Variants in FBXL19 observed in about 807,000 individuals in gnomAD.
FBXL19 encodes F-box and leucine rich repeat protein 19.
A neutral mutation model predicts 71.2 loss-of-function variants in FBXL19; 16 were observed. The observed-to-expected ratio is 0.22, with a 90% confidence interval of 0.15 to 0.34. FBXL19 has a LOEUF of 0.34. FBXL19 is among the 10% of genes least tolerant of loss of function. The pLI, the probability that FBXL19 is intolerant of heterozygous loss-of-function variation, is 1.00. For synonymous variants in FBXL19, 447 were observed against 409.4 expected (o/e 1.09, Z -1.11); for missense variants, 658 against 968.2 (o/e 0.68, Z 4.25).
At chr16:30,928,397 T>A (rs2055628617) in intron 5 of FBXL19, 70 bp from the exon 6 acceptor site, 16 of 1,426,024 alleles carry the variant, frequency 1.1e-5, no homozygotes. Context: ...GGCATGGACC[T>A]TAGATTTCTG....
chr16:30,927,877 G>A lies in FBXL19; in HGVS notation c.541G>A (p.Ala181Thr). The A allele has an allele frequency of 6.5e-7, 1 of 1,528,890 alleles. No individual in the cohort carries two copies. Among genetic ancestry groups the A allele is most frequent in the Non-Finnish European group, 8.8e-7 (1 of 1,139,062 alleles). 94.7% of individuals were successfully genotyped at this position (1,528,890 alleles called of 1,614,324 possible). ...PPPRRKGPLP[A>T]GPPPEDVPGP... is the part of the protein sequence containing the mutation. ...GCCCAGGCGCAAGGGCCCCCTGCCTGCCGGGCCCCCCCCGGAGGACGTGCC... is the reference window on the plus strand; with the variant it reads ...GCCCAGGCGCAAGGGCCCCCTGCCTACCGGGCCCCCCCCGGAGGACGTGCC... The change falls in exon 5 of 11, where the codon GCC becomes ACC. Residue 181 changes from alanine to threonine, a missense_variant. Transcript: ENST00000338343.
rs527545170 is a variant in FBXL19, at chr16:30,926,353, C to T, written c.177+422C>T. On this transcript the variant is annotated intron_variant, in intron 2 of 10. Transcript: ENST00000338343. ...AGCTCACCCTTTATGTGACCTTGAG[C>T]AAATCATGCTGAATGAACCTCAGGT... Among the ~76,000 whole-genome samples the T allele has an allele frequency of 5.3e-5, 8 of 152,336 alleles. No individual in the cohort carries two copies. The East Asian group carries it at 1.4e-3, about 26-fold the overall frequency.
intron 7 of FBXL19, 130 bp from the exon 8 acceptor site, chr16:30,941,986 C>G: frequency 9.5e-7 from 1 of 1,049,246 alleles, no homozygotes; most frequent in Non-Finnish European, 1.3e-6. Context: ...AGGTCAGGTG[C>G]TTCTTGCTAC....
intron 7 of FBXL19, among the ~76,000 whole-genome samples, chr16:30,940,414 T>C (rs1322793947): frequency 6.6e-6 from 1 of 150,720 alleles, no homozygotes; most frequent in Non-Finnish European, 1.5e-5. Context: ...AGCAAGACAC[T>C]GTCTCAAGAA....
rs1371695939 is a variant in FBXL19 at position 30,927,296 on chromosome 16, C to T, written c.178-12C>T. On this transcript the variant is annotated splice_polypyrimidine_tract_variant and intron_variant, in intron 2 of 10. Transcript: ENST00000338343. The stretch of plus-strand genomic sequence containing the variant: ...GCTTTCGGGGCCCCTGATGTCCCCT[C>T]TCCCCCAACAGCCCGTGCTCCCACA... The T allele has an allele frequency of 6.5e-6, 10 of 1,546,282 alleles. No homozygotes were observed. The highest frequency in any genetic ancestry group is 8.7e-6 in the Non-Finnish European group (10 of 1,145,414).
chr16:30,932,300 T>G (rs777396659), intron 7 of FBXL19, among the ~76,000 whole-genome samples: 1 of 151,808 alleles, frequency 6.6e-6, no homozygotes. Context: ...TTGAAGAGCA[T>G]ATAGTTAAGC....
Position 30,942,589 on chromosome 16 carries a change from G to A in FBXL19, c.1627+53G>A. 6.7e-7 allele frequency: 1 copy of A among 1,502,234 alleles called. No homozygotes were observed. Among genetic ancestry groups the A allele is most frequent in the Non-Finnish European group, 8.9e-7 (1 of 1,124,166 alleles). The allele number at this position is 1,502,234 out of a possible 1,614,324, so 93.1% of individuals were successfully genotyped here. The stretch of plus-strand genomic sequence containing the variant: ...AATGGGCTGGGCAAGGGTAGGGTAG[G>A]AGGCCTCTCAGGTCTCTTCTGACTC... On this transcript the variant is annotated intron_variant, in intron 9 of 10. Transcript: ENST00000338343. The surrounding 1 kb of genome is among the most constrained non-coding windows in gnomAD (Gnocchi z 5.7).
rs1221938437 is a variant in FBXL19 at position 30,946,358 on chromosome 16, C to G, written c.1628-372C>G. On this transcript the variant is annotated intron_variant, in intron 9 of 10. Transcript: ENST00000338343. This position sits in a 1 kb window ranked among gnomAD's most constrained non-coding sequence, Gnocchi z 6.7. ...AGCCGGGATTACAGGCGCCTGCCACCATACCCGGCTAATTTTTGTATGTTG... is the reference window on the plus strand; with the variant it reads ...AGCCGGGATTACAGGCGCCTGCCACGATACCCGGCTAATTTTTGTATGTTG... Among the ~76,000 whole-genome samples the G allele has an allele frequency of 6.6e-6, 1 of 152,146 alleles. No homozygotes were observed. Among genetic ancestry groups the G allele is most frequent in the Non-Finnish European group, 1.5e-5 (1 of 68,008 alleles).
rs1268258322 is a variant in FBXL19 at position 30,942,317 on chromosome 16, G to A, written c.1465+38G>A. 2 of 1,599,396 alleles carry A rather than the reference G, an allele frequency of 1.3e-6. No individual in the cohort carries two copies. The highest frequency in any genetic ancestry group is 1.1e-5 in the South Asian group (1 of 89,252). On this transcript the variant is annotated intron_variant, in intron 8 of 10. Coordinates refer to ENST00000338343, the MANE Select transcript of FBXL19 (RefSeq NM_001382779.1). This position sits in a 1 kb window ranked among gnomAD's most constrained non-coding sequence, Gnocchi z 5.7. ...GTACGGAGGACAGGGTGGGGACAGG[G>A]ACAGGCCTGGGATGGAGTCCTCACA...
rs940490496 is a variant in FBXL19, at chr16:30,948,331, T to C, written c.*1101T>C. The C allele has an allele frequency of 6.5e-6, 1 of 152,722 alleles. No individual in the cohort carries two copies. The highest frequency in any genetic ancestry group is 1.5e-5 in the Non-Finnish European group (1 of 68,240). 9.5% of individuals were successfully genotyped at this position (152,722 alleles called of 1,614,324 possible). Reference sequence around the variant, plus strand: ...CTGCCACTCCTGGTTGCCATGGAAATAGCAGCCAACGGACACCTCCCGATG... The same window carrying C: ...CTGCCACTCCTGGTTGCCATGGAAACAGCAGCCAACGGACACCTCCCGATG... On this transcript the variant is annotated 3_prime_UTR_variant, in exon 11 of 11. Transcript: ENST00000338343.
In FBXL19 at chr16:30,928,502, G is replaced by A. The variant is rs768986133; in HGVS notation, c.663G>A (p.Val221=). 1.9e-6 allele frequency: 3 copies of A among 1,602,472 alleles called. No homozygotes were observed. In the Admixed American group the frequency reaches 5.1e-5, roughly 27 times the overall value. The change falls in exon 6 of 11, where the codon GTG becomes GTA. Residue 221 remains valine, a synonymous_variant. Coordinates refer to ENST00000338343, the MANE Select transcript of FBXL19 (RefSeq NM_001382779.1). ...KGGRERHLKK[V]GGDACLLRGS... ...GCCGAGAGAGGCACCTGAAGAAGGT[G>A]GGTGGAGACGCCTGCCTCCTCCGAG...
intron 7 of FBXL19, among the ~76,000 whole-genome samples, chr16:30,934,044 C>T (rs540054673): frequency 3.9e-5 from 6 of 152,042 alleles, no homozygotes; most frequent in South Asian, 4.2e-4. Flanking sequence ...TGAGCCACCA[C>T]GCCCGGTGTA....
At chr16:30,940,760 G>A (rs1040280457) in intron 7 of FBXL19, among the ~76,000 whole-genome samples, 17 of 151,970 alleles carry the variant, frequency 1.1e-4, no homozygotes, top group East Asian at 1.9e-4. Context: ...TCCGCCTCCC[G>A]GGTTCAAGTA....
Position 30,927,897 on chromosome 16 carries a change from C to T in FBXL19, c.561C>T (p.Asp187=). 1 of 1,534,562 alleles carries T rather than the reference C, an allele frequency of 6.5e-7. No homozygotes were observed. Among genetic ancestry groups the T allele is most frequent in the Non-Finnish European group, 8.7e-7 (1 of 1,146,464 alleles). The stretch of plus-strand genomic sequence containing the variant: ...TGCCTGCCGGGCCCCCCCCGGAGGA[C>T]GTGCCTGGGCCCCCCAAACGAAAGG... The part of the protein sequence containing the change: ...GPLPAGPPPE[D]VPGPPKRKER... Residue 187 remains aspartate, a synonymous_variant, in exon 5 of 11, where the codon GAC becomes GAT. Transcript: ENST00000338343.
At chr16:30,924,780 T>C in intron 1 of FBXL19, 1 of 1,476,268 alleles carries the variant, frequency 6.8e-7, no homozygotes, top group Non-Finnish European at 8.9e-7. Context: ...TAAGACTGAC[T>C]GGGAAGAGAC....
chr16:30,923,481 A>C, upstream of FBXL19, among the ~76,000 whole-genome samples: 2 of 126,530 alleles, frequency 1.6e-5, no homozygotes, highest in Non-Finnish European at 1.7e-5. Context: ...AGGAGGGGGA[A>C]GGGGGCGGGG....
rs1214965225 is a variant in FBXL19 at position 30,942,175 on chromosome 16, C to T, written c.1361C>T (p.Pro454Leu). Reference protein sequence around the residue: ...MDLSRRKSLTPPMLSGVVRRQ... With the variant: ...MDLSRRKSLTLPMLSGVVRRQ... ...CTGAGCCGGCGGAAGTCACTGACCC[C>T]GCCCATGCTCAGTGGTGTGGTTCGC... Residue 454 changes from proline (P) to leucine (L), a missense_variant, in exon 8 of 11, where the codon CCG (proline) becomes CTG (leucine). Physicochemically the swap from Pro to Leu is moderately conservative, Grantham distance 98 (BLOSUM62 -3). This residue lies in a region of FBXL19 where 38 missense variants were observed against 92.3 expected (regional missense o/e 0.41). Transcript: ENST00000338343. This position sits in a 1 kb window ranked among gnomAD's most constrained non-coding sequence, Gnocchi z 5.7. 1.3e-6 allele frequency: 2 copies of T among 1,596,952 alleles called. No individual in the cohort carries two copies. Among genetic ancestry groups the T allele is most frequent in the Non-Finnish European group, 1.7e-6 (2 of 1,171,964 alleles).
At chr16:30,928,377 C>CTA (rs2055628126) in intron 5 of FBXL19, 90 bp from the exon 6 acceptor site, 1 of 1,339,634 alleles carries the variant, frequency 7.5e-7, no homozygotes, top group African/African-American at 1.5e-5. Context: ...GACTTGTAGT[C>CTA]TAAGAGGAGG....
rs946302463 is a variant in FBXL19, at chr16:30,947,777, T to G, written c.*547T>G. ...GGGCAAGCTGGGGCTGAGCTGGAGG[T>G]GGGGATGAGAGCAGGTGTGGGGACA... On this transcript the variant is annotated 3_prime_UTR_variant, in exon 11 of 11. Coordinates refer to ENST00000338343, the MANE Select transcript of FBXL19 (RefSeq NM_001382779.1). 18 of 407,082 alleles carry G rather than the reference T, an allele frequency of 4.4e-5. 1 individual carries two copies. The highest frequency in any genetic ancestry group is 1.8e-4 in the Admixed American group (6 of 33,142). 25.2% of individuals were successfully genotyped at this position (407,082 alleles called of 1,614,324 possible).
Sources: allele counts gnomAD v4.1 joint callset (sites outside exome capture counted in the v4.1 genomes callset), GRCh38; gene constraint gnomAD v4.1.1; regional missense constraint gnomAD v4.1.1; non-coding constraint Gnocchi (gnomAD v3.1); transcripts MANE v1.5; gene names NCBI Gene and HGNC (gene_info 2026-07-23, HGNC 2026-07-21).